Variants in UGT1A10 observed in about 807,000 individuals in gnomAD.
The protein encoded by UGT1A10 is UDP glucuronosyltransferase family 1 member A10.
In UGT1A10, 49 loss-of-function variants were observed where a neutral mutation model predicts 45.8. The observed-to-expected ratio is 1.07, with a 90% confidence interval of 0.85 to 1.36. The LOEUF is 1.36. Among genes scored for constraint, UGT1A10 ranks in the 40% most tolerant of loss-of-function variants. UGT1A10 has a pLI of 0.00. For missense variants in UGT1A10, 745 were observed against 668.6 expected (o/e 1.11, Z -1.26); for synonymous variants, 284 against 249.7 (o/e 1.14, Z -1.29).
At chr2:233,691,435 G>A in intron 1 of UGT1A10, 1 of 985,642 alleles carries the variant, frequency 1.0e-6, no homozygotes, top group African/African-American at 1.7e-5. Context: ...TGTTGCTCAG[G>A]CTTCTTCTCC....
chr2:233,689,685 A>G (rs1172715108), intron 1 of UGT1A10, among the ~76,000 whole-genome samples: 1 of 152,190 alleles, frequency 6.6e-6, no homozygotes, highest in East Asian at 1.9e-4. Context: ...TGGCTGTCAG[A>G]GTTCAGTCGT....
At chr2:233,698,008 G>C (rs556681308) in intron 1 of UGT1A10, among the ~76,000 whole-genome samples, 1 of 152,200 alleles carries the variant, frequency 6.6e-6, no homozygotes, top group South Asian at 2.1e-4. Flanking sequence ...TATCATTTCT[G>C]CACATTGGTA....
chr2:233,768,308 G>A lies in UGT1A10; in HGVS notation c.1164G>A (p.Met388Ile), dbSNP rs751355128. 5 of 1,614,188 alleles carry A rather than the reference G, an allele frequency of 3.1e-6. No homozygotes were observed. The highest frequency in any genetic ancestry group is 3.4e-6 in the Non-Finnish European group (4 of 1,180,050). Residue 388 changes from methionine to isoleucine, a missense_variant, in exon 4 of 5, where the codon ATG (methionine) becomes ATA (isoleucine). By Grantham distance (10) the Met-to-Ile change is conservative. Transcript: ENST00000344644. The stretch of plus-strand genomic sequence containing the variant: ...GCAATGGCGTTCCCATGGTGATGAT[G>A]CCCTTGTTTGGTGATCAGATGGACA... ...SICNGVPMVM[M>I]PLFGDQMDNA...
intron 4 of UGT1A10, chr2:233,770,529 A>G (rs986919893): frequency 6.6e-6 from 1 of 152,118 alleles, no homozygotes; most frequent in Non-Finnish European, 1.5e-5. Flanking sequence ...ATGGTGGTGT[A>G]TGCCTGTAAT....
intron 1 of UGT1A10, among the ~76,000 whole-genome samples, chr2:233,671,409 A>G (rs1480374055): frequency 6.6e-6 from 1 of 152,192 alleles, no homozygotes; most frequent in Non-Finnish European, 1.5e-5. Context: ...AAGCAGCAAT[A>G]TGTATGCATT....
intron 1 of UGT1A10, chr2:233,693,443 C>T: frequency 1.2e-6 from 2 of 1,614,134 alleles, no homozygotes; most frequent in Admixed American, 1.7e-5. Flanking sequence ...GTTTGATGCT[C>T]TTTTCACAGA....
chr2:233,682,722 C>G (rs1213515769), intron 1 of UGT1A10: 8 of 1,613,716 alleles, frequency 5.0e-6, no homozygotes, highest in Non-Finnish European at 6.8e-6. Flanking sequence ...TTGGAGTATC[C>G]CAAACCCGTG....
At chr2:233,728,412 A>G (rs1046404926) in intron 1 of UGT1A10, among the ~76,000 whole-genome samples, 2 of 152,174 alleles carry the variant, frequency 1.3e-5, no homozygotes, top group Non-Finnish European at 2.9e-5. Flanking sequence ...TGCTTTAGAT[A>G]GCAGCACCTC....
At chr2:233,728,129 G>A (rs554109385) in intron 1 of UGT1A10, among the ~76,000 whole-genome samples, 1 of 152,318 alleles carries the variant, frequency 6.6e-6, no homozygotes, top group South Asian at 2.1e-4. Context: ...ATTTGGACTA[G>A]GGCCCCCACA....
rs547494193 is a variant in UGT1A10, at chr2:233,636,533, C to T, written c.11C>T (p.Ala4Val). 3 of 1,613,346 alleles carry T rather than the reference C, an allele frequency of 1.9e-6. No homozygotes were observed. The highest frequency in any genetic ancestry group is 2.2e-5 in the South Asian group (2 of 90,992). Residue 4 changes from alanine (A) to valine (V), a missense_variant, in exon 1 of 5, where the codon GCA (alanine) becomes GTA (valine). By Grantham distance (64) the Ala-to-Val change is moderately conservative. Transcript: ENST00000344644. ...GGCTGCAGTTCTCTCATGGCTCGCG[C>T]AGGGTGGACCAGCCCCGTTCCTTTA... MAR[A>V]GWTSPVPLCV...
At chr2:233,691,577 A>G in intron 1 of UGT1A10, 1 of 985,616 alleles carries the variant, frequency 1.0e-6, no homozygotes, top group Non-Finnish European at 1.2e-6. Context: ...TCTCACTGGG[A>G]CAGCCTAGTT....
chr2:233,676,786 C>G (rs74435166), intron 1 of UGT1A10, among the ~76,000 whole-genome samples: 7,560 of 152,232 alleles, frequency 0.05, 292 homozygotes, highest in African/African-American at 0.1. Flanking sequence ...ACACAGAGGT[C>G]TTTTCTTGTT....
chr2:233,678,630 T>C (rs1405477572), intron 1 of UGT1A10, among the ~76,000 whole-genome samples: 2 of 152,232 alleles, frequency 1.3e-5, no homozygotes, highest in Non-Finnish European at 1.5e-5. Flanking sequence ...TAGAAGTCAA[T>C]AGCAGTCTTA....
intron 1 of UGT1A10, among the ~76,000 whole-genome samples, chr2:233,640,796 T>C (rs1423685201): frequency 6.6e-6 from 1 of 152,138 alleles, no homozygotes; most frequent in Non-Finnish European, 1.5e-5. Flanking sequence ...TAGGAAGCAG[T>C]TGGAAGATGA....
At chr2:233,717,787 T>C (rs749121467) in intron 1 of UGT1A10, 7 of 456,322 alleles carry the variant, frequency 1.5e-5, no homozygotes, top group Admixed American at 2.3e-5. Context: ...ATTTTGAAAT[T>C]TGAAGTAGTG....
Position 233,769,129 on chromosome 2 carries a change from C to T in UGT1A10, c.1295+690C>T, listed in dbSNP as rs1228379721. Among the ~76,000 whole-genome samples, 1 of 152,120 alleles carries T rather than the reference C, an allele frequency of 6.6e-6. No homozygotes were observed. The highest frequency in any genetic ancestry group is 1.9e-4 in the East Asian group (1 of 5,198). On this transcript the variant is annotated intron_variant, in intron 4 of 4. Coordinates refer to ENST00000344644, the MANE Select transcript of UGT1A10 (RefSeq NM_019075.4). This position sits in a 1 kb window ranked among gnomAD's most constrained non-coding sequence, Gnocchi z 4.4. ...AAAACAACTCAAATGCTTAGAAGTA[C>T]AGCTTTTTGCAGCACTGGAACCTGT...
intron 1 of UGT1A10, among the ~76,000 whole-genome samples, chr2:233,670,353 T>C (rs2074157650): frequency 6.6e-6 from 1 of 152,198 alleles, no homozygotes; most frequent in Admixed American, 6.5e-5. Context: ...CTTTACAGAA[T>C]TACATCATAA....
chr2:233,752,202 T>G (rs1037176887), intron 1 of UGT1A10: 1 of 152,188 alleles, frequency 6.6e-6, no homozygotes, highest in African/African-American at 2.4e-5. Context: ...TGTGTTGAAC[T>G]CCAGCCAGAA....
chr2:233,735,915 C>T (rs1408003529), intron 1 of UGT1A10, among the ~76,000 whole-genome samples: 4 of 152,042 alleles, frequency 2.6e-5, no homozygotes, highest in South Asian at 4.2e-4. Flanking sequence ...GTGGGTAACC[C>T]GACCTTTCTC....
Sources: allele counts gnomAD v4.1 joint callset (sites outside exome capture counted in the v4.1 genomes callset), GRCh38; gene constraint gnomAD v4.1.1; non-coding constraint Gnocchi (gnomAD v3.1); transcripts MANE v1.5; gene names NCBI Gene and HGNC (gene_info 2026-07-23, HGNC 2026-07-21).